Variants in REDIC1 observed in about 807,000 individuals in gnomAD.
REDIC1 encodes HEI10 Interacting Protein 1.
chr12:39,851,034 G>C, the REDIC1 span, among the ~76,000 whole-genome samples: 1 of 151,854 alleles, frequency 6.6e-6, no homozygotes, highest in African/African-American at 2.4e-5. Context: ...TGAGTAGCTG[G>C]GATTACAGGT....
chr12:39,681,640 A>G, the REDIC1 span, among the ~76,000 whole-genome samples: 1 of 152,146 alleles, frequency 6.6e-6, no homozygotes, highest in South Asian at 2.1e-4. Flanking sequence ...TGTCTAAAAC[A>G]CCAATAAGGC....
chr12:39,896,121 CATATATGTATACACGTGTACCT>C, the REDIC1 span, among the ~76,000 whole-genome samples: 1 of 141,988 alleles, frequency 7.0e-6, no homozygotes, highest in Non-Finnish European at 1.5e-5. Flanking sequence ...TGAATGCATA[CATATATGTATACACGTGTACCT>C]ATATATGTAT....
the REDIC1 span, among the ~76,000 whole-genome samples, chr12:39,687,140 C>T: frequency 8.2e-3 from 1,242 of 152,186 alleles, 15 homozygotes; most frequent in African/African-American, 0.028. Flanking sequence ...CCAAACTTTC[C>T]CTTATCTTGT....
At chr12:39,681,595 A>G in the REDIC1 span, among the ~76,000 whole-genome samples, 2 of 152,216 alleles carry the variant, frequency 1.3e-5, no homozygotes, top group Non-Finnish European at 2.9e-5. Flanking sequence ...CATACTATAT[A>G]CTGTGTCTTT....
the REDIC1 span, chr12:39,692,304 G>A: frequency 6.0e-5 from 26 of 434,752 alleles, no homozygotes; most frequent in Non-Finnish European, 9.5e-5. Flanking sequence ...GTACATTAAT[G>A]TATAGGTACA....
chr12:39,690,649 A>G, the REDIC1 span, among the ~76,000 whole-genome samples: 4 of 152,218 alleles, frequency 2.6e-5, no homozygotes, highest in Non-Finnish European at 5.9e-5. Flanking sequence ...GTTATAAGCA[A>G]CGTATCTAGA....
the REDIC1 span, among the ~76,000 whole-genome samples, chr12:39,703,046 C>G: frequency 6.6e-6 from 1 of 152,170 alleles, no homozygotes; most frequent in South Asian, 2.1e-4. Flanking sequence ...CCCTCTCTCA[C>G]CACTCCTATT....
At chr12:39,672,529 C>T in the REDIC1 span, among the ~76,000 whole-genome samples, 7 of 152,106 alleles carry the variant, frequency 4.6e-5, no homozygotes, top group Admixed American at 1.3e-4. Flanking sequence ...CTATCTTCAG[C>T]GCATGCACAA....
chr12:39,721,236 C>T, the REDIC1 span: 1 of 1,612,166 alleles, frequency 6.2e-7, no homozygotes, highest in Non-Finnish European at 8.5e-7. Context: ...GGCAGGAAAT[C>T]CATAAGAACA....
the REDIC1 span, among the ~76,000 whole-genome samples, chr12:39,812,106 G>C: frequency 6.6e-6 from 1 of 152,122 alleles, no homozygotes; most frequent in African/African-American, 2.4e-5. Context: ...GGGTTTTGGA[G>C]GCTGGGAAGT....
chr12:39,662,057 T>TAGTGTA, the REDIC1 span, among the ~76,000 whole-genome samples: 1 of 152,174 alleles, frequency 6.6e-6, no homozygotes, highest in South Asian at 2.1e-4. Context: ...AGCCTTGTAA[T>TAGTGTA]ATATTTTGAA....
the REDIC1 span, among the ~76,000 whole-genome samples, chr12:39,699,481 AG>A: frequency 4.0e-4 from 61 of 152,304 alleles, no homozygotes; most frequent in South Asian, 1.2e-3. Context: ...TTGCTAGCAC[AG>A]CAGTCTGAGA....
chr12:39,899,501 G>GTTA, the REDIC1 span, among the ~76,000 whole-genome samples: 380 of 152,164 alleles, frequency 2.5e-3, 1 homozygote, highest in African/African-American at 8.2e-3. Context: ...TCTGATTTTA[G>GTTA]TTATTTCTTG....
the REDIC1 span, among the ~76,000 whole-genome samples, chr12:39,767,362 T>A: frequency 6.6e-6 from 1 of 151,738 alleles, no homozygotes; most frequent in East Asian, 1.9e-4. Flanking sequence ...CTCCAAACTA[T>A]GCTGTAAATA....
the REDIC1 span, among the ~76,000 whole-genome samples, chr12:39,794,466 CGCAATTTGATG>C: frequency 6.6e-6 from 1 of 152,108 alleles, no homozygotes; most frequent in Non-Finnish European, 1.5e-5. Context: ...TTAACTATAA[CGCAATTTGATG>C]TATAAAATAG....
the REDIC1 span, among the ~76,000 whole-genome samples, chr12:39,805,822 G>T: frequency 6.6e-6 from 1 of 152,116 alleles, no homozygotes; most frequent in Non-Finnish European, 1.5e-5. Flanking sequence ...AAAGGGAGTT[G>T]CCCGTTTTTT....
At chr12:39,654,480 C>G in the REDIC1 span, among the ~76,000 whole-genome samples, 34 of 151,582 alleles carry the variant, frequency 2.2e-4, no homozygotes, top group African/African-American at 8.2e-4. Context: ...CCCAGCTACT[C>G]GGGAGCCTGA....
chr12:39,844,052 G>T, the REDIC1 span, among the ~76,000 whole-genome samples: 3 of 151,892 alleles, frequency 2.0e-5, 1 homozygote, highest in African/African-American at 7.2e-5. Flanking sequence ...TTTGCTTGGG[G>T]CTCATCATTA....
the REDIC1 span, among the ~76,000 whole-genome samples, chr12:39,761,706 A>G: frequency 6.6e-6 from 1 of 152,028 alleles, no homozygotes; most frequent in Admixed American, 6.6e-5. Flanking sequence ...AGGAAGAGAA[A>G]TGGAATCTTT....
Sources: allele counts gnomAD v4.1 joint callset (sites outside exome capture counted in the v4.1 genomes callset), GRCh38; gene constraint gnomAD v4.1.1; transcripts MANE v1.5; gene names NCBI Gene and HGNC (gene_info 2026-07-23, HGNC 2026-07-21).